COL24A1: variants seen among roughly 807,000 people sequenced by gnomAD.
COL24A1 encodes collagen alpha-1(XXIV) chain.
COL24A1 carries 224 observed loss-of-function variants against 253.9 expected under a neutral mutation model. The ratio of observed to expected loss-of-function variants is 0.88; its 90% CI spans 0.79 to 0.99. COL24A1 has a LOEUF of 0.99. Among genes scored for constraint, COL24A1 ranks in the 50% least tolerant of loss-of-function variants. The pLI, the probability that COL24A1 is intolerant of heterozygous loss-of-function variation, is 0.00. For missense variants in COL24A1, 2,131 were observed against 2,068.5 expected, an observed-to-expected ratio of 1.03 and a Z score of -0.59; for synonymous variants, 685 against 673.7, an observed-to-expected ratio of 1.02 and a Z score of -0.26.
intron 28 of COL24A1, among the ~76,000 whole-genome samples, chr1:85,906,423 T>G (rs1240229555): frequency 1.3e-5 from 2 of 151,750 alleles, no homozygotes; most frequent in African/African-American, 2.4e-5. Flanking sequence ...TCCCTGATAT[T>G]CCATATGGTA....
rs533643182 is a variant in COL24A1, at chr1:85,847,611, ACGTTT to A, written c.3462+49_3462+53del. The A allele has an allele frequency of 8.1e-4, 1,009 of 1,250,558 alleles. 13 individuals carry two copies. In the South Asian group the frequency reaches 0.012, roughly 15 times the overall value. 77.5% of individuals were successfully genotyped at this position (1,250,558 alleles called of 1,614,324 possible). A position where few individuals can be genotyped will look rare whatever the true frequency, so the allele number is the denominator to read the frequency against. On this transcript the variant is annotated intron_variant, in intron 39 of 59. Transcript: ENST00000370571. ...GGGATGAAACTTTAAGGGCATGGAT[ACGTTT>A]CTTTCCCATCCACAGTGACTCAATT...
intron 28 of COL24A1, among the ~76,000 whole-genome samples, chr1:85,900,467 T>A (rs1684171078): frequency 6.6e-6 from 1 of 151,960 alleles, no homozygotes; most frequent in Non-Finnish European, 1.5e-5. Context: ...GGCAAGACCC[T>A]GTCTCTACAA....
At chr1:86,028,033 G>C (rs1245312174) in intron 14 of COL24A1, among the ~76,000 whole-genome samples, 1 of 152,052 alleles carries the variant, frequency 6.6e-6, no homozygotes, top group African/African-American at 2.4e-5. Context: ...GGAGCCTGTA[G>C]CCCCTTTGTT....
intron 47 of COL24A1, among the ~76,000 whole-genome samples, chr1:85,801,093 C>G (rs1671379783): frequency 6.6e-6 from 1 of 152,166 alleles, no homozygotes; most frequent in Non-Finnish European, 1.5e-5. Flanking sequence ...TTTCTTAAGT[C>G]TCCATGACAC....
At chr1:85,823,405 G>A in intron 45 of COL24A1, 131 bp downstream of exon 45, 2 of 797,668 alleles carry the variant, frequency 2.5e-6, no homozygotes, top group South Asian at 3.3e-5. Context: ...CCTACTTAGA[G>A]GCCCATAGTG....
At chr1:85,787,695 T>C (rs1381957839) in intron 47 of COL24A1, among the ~76,000 whole-genome samples, 3 of 152,212 alleles carry the variant, frequency 2.0e-5, no homozygotes, top group East Asian at 1.9e-4. Flanking sequence ...ATCTTTATGA[T>C]AGAATGATAT....
intron 5 of COL24A1, among the ~76,000 whole-genome samples, chr1:86,105,308 G>C (rs948302374): frequency 6.6e-6 from 1 of 152,178 alleles, no homozygotes; most frequent in Non-Finnish European, 1.5e-5. Context: ...ACACACATGC[G>C]TTAGCAAAGC....
chr1:86,155,971 C>CGGGAGGAGAAG (rs1034220464), intron 1 of COL24A1: 3 of 202,380 alleles, frequency 1.5e-5, no homozygotes, highest in African/African-American at 7.0e-5. Context: ...CAGGGCCCTG[C>CGGGAGGAGAAG]GGGAGGAGAA....
intron 19 of COL24A1, among the ~76,000 whole-genome samples, chr1:85,997,566 C>T (rs12038149): frequency 0.39 from 58,773 of 151,524 alleles, 11,825 homozygotes; most frequent in East Asian, 0.58. Context: ...GGGTGGATCA[C>T]AAGGTCAGGA....
intron 35 of COL24A1, among the ~76,000 whole-genome samples, chr1:85,873,938 C>G (rs1680845127): frequency 6.6e-6 from 1 of 152,058 alleles, no homozygotes; most frequent in South Asian, 2.1e-4. Context: ...GACTGGCTCT[C>G]TTGATACTAA....
chr1:85,889,426 G>A (rs1477224374), intron 32 of COL24A1, 134 bp downstream of exon 32: 2 of 635,452 alleles, frequency 3.1e-6, no homozygotes, highest in Admixed American at 3.4e-5. Context: ...TTCATTCTAT[G>A]TGATTAGTCT....
intron 43 of COL24A1, among the ~76,000 whole-genome samples, chr1:85,827,098 C>T (rs1674462739): frequency 6.6e-6 from 1 of 151,992 alleles, no homozygotes; most frequent in South Asian, 2.1e-4. Flanking sequence ...GAGATACGTC[C>T]CATCAATACC....
At chr1:85,771,719 C>T (rs1357327951) in intron 53 of COL24A1, among the ~76,000 whole-genome samples, 10 of 152,146 alleles carry the variant, frequency 6.6e-5, no homozygotes, top group Non-Finnish European at 1.3e-4. Context: ...CTCCCTCCAA[C>T]AGTGTAAAAG....
chr1:85,854,088 T>C lies in COL24A1; in HGVS notation c.3301-4682A>G, dbSNP rs144655615. Among the ~76,000 whole-genome samples the C allele has an allele frequency of 2.3e-3, 352 of 152,318 alleles. 2 individuals carry two copies. Among genetic ancestry groups the C allele is most frequent in the African/African-American group, 7.3e-3 (305 of 41,568 alleles). On this transcript the variant is annotated intron_variant, in intron 37 of 59. Transcript: ENST00000370571. Reference sequence around the variant, plus strand: ...CCTAAGTTCTCTTCTAAGGTTTTTATAGTTTTAGGTTTTATATTTAAGCAT... The same window carrying C: ...CCTAAGTTCTCTTCTAAGGTTTTTACAGTTTTAGGTTTTATATTTAAGCAT...
At chr1:86,086,706 C>G (rs1362593709) in intron 7 of COL24A1, among the ~76,000 whole-genome samples, 8 of 152,078 alleles carry the variant, frequency 5.3e-5, no homozygotes, top group Non-Finnish European at 8.8e-5. Context: ...TCCAAAGGAA[C>G]AGAATAATTC....
intron 52 of COL24A1, among the ~76,000 whole-genome samples, chr1:85,777,532 T>C (rs1025837114): frequency 1.3e-5 from 2 of 152,122 alleles, no homozygotes; most frequent in Non-Finnish European, 2.9e-5. Context: ...TTCCATGAAA[T>C]GGCTAACCTA....
chr1:85,823,662 G>A, intron 44 of COL24A1, 23 bp downstream of exon 44: 1 of 1,613,532 alleles, frequency 6.2e-7, no homozygotes, highest in Non-Finnish European at 8.5e-7. Flanking sequence ...TTAATTTTTA[G>A]AAATAATGCT....
At chr1:85,973,191 T>G in intron 20 of COL24A1, among the ~76,000 whole-genome samples, 1 of 152,218 alleles carries the variant, frequency 6.6e-6, no homozygotes, top group Admixed American at 6.5e-5. Context: ...GTTTAATCAC[T>G]TAATTCATCT....
Position 85,895,840 on chromosome 1 carries a change from A to T in COL24A1, c.2922+18T>A, listed in dbSNP as rs765400748. Reference sequence around the variant, plus strand: ...GCAGATAAAAATTTTTCATAGCATGATTTTTTAAATTACTTACTGGTTTCC... The same window carrying T: ...GCAGATAAAAATTTTTCATAGCATGTTTTTTTAAATTACTTACTGGTTTCC... On this transcript the variant is annotated intron_variant, in intron 31 of 59. Transcript: ENST00000370571. The T allele has an allele frequency of 2.5e-5, 40 of 1,599,380 alleles. No homozygotes were observed. The highest frequency in any genetic ancestry group is 4.4e-4 in the Middle Eastern group (2 of 4,514).
Sources: allele counts gnomAD v4.1 joint callset (sites outside exome capture counted in the v4.1 genomes callset), GRCh38; gene constraint gnomAD v4.1.1; transcripts MANE v1.5; gene names NCBI Gene and HGNC (gene_info 2026-07-23, HGNC 2026-07-21).